Variants in GTF2IRD1 observed in about 807,000 individuals in gnomAD.
GTF2IRD1 encodes the protein general transcription factor II-I repeat domain-containing protein 1.
In GTF2IRD1, 26 loss-of-function variants were observed where a neutral mutation model predicts 113.2. The observed-to-expected ratio is 0.23, with a 90% confidence interval of 0.17 to 0.32. GTF2IRD1 has a LOEUF of 0.32. Among genes scored for constraint, GTF2IRD1 ranks in the 10% least tolerant of loss-of-function variants. The pLI is 1.00. For missense variants in GTF2IRD1, 864 were observed against 1,280.8 expected, an observed-to-expected ratio of 0.67 and a Z score of 4.97; for synonymous variants, 484 against 529.1, an observed-to-expected ratio of 0.91 and a Z score of 1.17.
chr7:74,584,710 A>AG (rs1382029274), intron 22 of GTF2IRD1, among the ~76,000 whole-genome samples: 1 of 152,172 alleles, frequency 6.6e-6, no homozygotes, highest in Non-Finnish European at 1.5e-5. Flanking sequence ...TAGGAACAAA[A>AG]GGCTATTGCG....
chr7:74,508,052 CACT>C lies in GTF2IRD1; in HGVS notation c.-6-22_-6-20del. On this transcript the variant is annotated intron_variant, in intron 1 of 26. Coordinates refer to ENST00000424337, the MANE Select transcript of GTF2IRD1 (RefSeq NM_005685.4). ...AAGCCCCCTGCCTTGTGCCCACCACCACTGCCTCCTCCCTCCCCACAGGCGACC... is the reference window on the plus strand; with the variant it reads ...AAGCCCCCTGCCTTGTGCCCACCACCGCCTCCTCCCTCCCCACAGGCGACC... 6.3e-7 allele frequency: 1 copy of C among 1,594,968 alleles called. No homozygotes were observed. Among genetic ancestry groups the C allele is most frequent in the South Asian group, 1.1e-5 (1 of 89,134 alleles).
chr7:74,594,867 G>A (rs1342670602), intron 24 of GTF2IRD1, 147 bp from the exon 25 acceptor site: 23 of 482,528 alleles, frequency 4.8e-5, no homozygotes, highest in Non-Finnish European at 8.6e-5. Context: ...CAGGAGAATG[G>A]CGTGAACCCA....
intron 3 of GTF2IRD1, among the ~76,000 whole-genome samples, chr7:74,514,226 C>T (rs1554343836): frequency 6.6e-6 from 1 of 152,106 alleles, no homozygotes; most frequent in Non-Finnish European, 1.5e-5. Context: ...CCTCACACCC[C>T]TAAGATCAGC....
intron 17 of GTF2IRD1, among the ~76,000 whole-genome samples, chr7:74,552,502 G>T (rs1554355306): frequency 6.6e-6 from 1 of 152,016 alleles, no homozygotes; most frequent in Non-Finnish European, 1.5e-5. Flanking sequence ...GGCGACAAGA[G>T]CAAAACTCTC....
At chr7:74,580,703 G>A (rs183916619) in intron 22 of GTF2IRD1, among the ~76,000 whole-genome samples, 10 of 152,226 alleles carry the variant, frequency 6.6e-5, no homozygotes, top group Admixed American at 3.3e-4. Flanking sequence ...ATGAGCAGGA[G>A]GGGGGCAGGA....
intron 1 of GTF2IRD1, among the ~76,000 whole-genome samples, chr7:74,457,121 G>A (rs1474261456): frequency 2.0e-5 from 3 of 151,896 alleles, no homozygotes; most frequent in Admixed American, 1.3e-4. Context: ...CTCACAAGTA[G>A]CTGGGACCGC....
At chr7:74,578,454 G>A (rs587610263) in intron 22 of GTF2IRD1, among the ~76,000 whole-genome samples, 3 of 152,302 alleles carry the variant, frequency 2.0e-5, no homozygotes, top group Admixed American at 6.5e-5. Flanking sequence ...GGGATTACAG[G>A]CATGAGCCAC....
intron 17 of GTF2IRD1, among the ~76,000 whole-genome samples, chr7:74,548,449 A>C (rs1450904175): frequency 6.6e-6 from 1 of 151,408 alleles, no homozygotes; most frequent in Non-Finnish European, 1.5e-5. Flanking sequence ...CCTTTGGAGA[A>C]GGTGGTGGCA....
At chr7:74,492,733 C>G (rs527331482) in intron 1 of GTF2IRD1, among the ~76,000 whole-genome samples, 1 of 151,824 alleles carries the variant, frequency 6.6e-6, no homozygotes, top group African/African-American at 2.4e-5. Context: ...GGGCCAAAAT[C>G]AAGGTGCCGA....
intron 22 of GTF2IRD1, among the ~76,000 whole-genome samples, chr7:74,586,171 T>G (rs1801704827): frequency 6.6e-6 from 1 of 152,118 alleles, no homozygotes; most frequent in Non-Finnish European, 1.5e-5. Context: ...CCACCAAAGA[T>G]TCCTCAGTGG....
chr7:74,550,103 G>A (rs56205443), intron 17 of GTF2IRD1, among the ~76,000 whole-genome samples: 3,143 of 152,022 alleles, frequency 0.021, 120 homozygotes, highest in African/African-American at 0.071. Flanking sequence ...GAGGCAAAGA[G>A]GAGAATCACT....
At chr7:74,582,877 C>T (rs1188225286) in intron 22 of GTF2IRD1, among the ~76,000 whole-genome samples, 2 of 151,870 alleles carry the variant, frequency 1.3e-5, no homozygotes, top group East Asian at 1.9e-4. Flanking sequence ...AGCAAGATCC[C>T]ATCTCTACAA....
intron 1 of GTF2IRD1, among the ~76,000 whole-genome samples, chr7:74,456,711 C>G (rs1255648349): frequency 2.0e-5 from 3 of 151,806 alleles, no homozygotes; most frequent in Non-Finnish European, 2.9e-5. Context: ...ATTCTGTAGT[C>G]TTGCCGTTTT....
At chr7:74,541,830 GGC>G (rs1798652542) in intron 14 of GTF2IRD1, among the ~76,000 whole-genome samples, 1 of 152,144 alleles carries the variant, frequency 6.6e-6, no homozygotes, top group Non-Finnish European at 1.5e-5. Context: ...GAACCCAGGA[GGC>G]AGAGGTTGCA....
chr7:74,545,695 C>T (rs587655127), intron 15 of GTF2IRD1, 49 bp from the exon 16 acceptor site: 47 of 1,441,156 alleles, frequency 3.3e-5, no homozygotes, highest in Middle Eastern at 2.4e-4. Flanking sequence ...GAACATCAGC[C>T]GAGAAGCTGC....
intron 1 of GTF2IRD1, among the ~76,000 whole-genome samples, chr7:74,490,473 C>G (rs1312376867): frequency 1.3e-5 from 2 of 152,030 alleles, no homozygotes; most frequent in East Asian, 1.9e-4. Flanking sequence ...ACTCTACCCC[C>G]ACTGGGGAGC....
chr7:74,545,767 C>A lies in GTF2IRD1; in HGVS notation c.1690C>A (p.Pro564Thr). 3.7e-6 allele frequency: 6 copies of A among 1,613,048 alleles called. No individual in the cohort carries two copies. The highest frequency in any genetic ancestry group is 5.1e-6 in the Non-Finnish European group (6 of 1,179,774). Residue 564 changes from proline to threonine, a missense_variant, in exon 16 of 27, where the codon CCC (proline) becomes ACC (threonine). By Grantham distance (38) the Pro-to-Thr change is conservative. Coordinates refer to ENST00000424337, the MANE Select transcript of GTF2IRD1 (RefSeq NM_005685.4). ...AGACAGCCACGGTGACGTGATCCGG[C>A]CCCTGCGGAAGCAGGTGGAGCTGCT... ...VEDSHGDVIR[P>T]LRKQVELLFN...
At chr7:74,528,225 CTT>C (rs1400972322) in intron 8 of GTF2IRD1, among the ~76,000 whole-genome samples, 2 of 152,150 alleles carry the variant, frequency 1.3e-5, no homozygotes, top group Admixed American at 6.6e-5. Context: ...AACCCCTACT[CTT>C]TTTCAGACAG....
chr7:74,557,577 A>G, intron 19 of GTF2IRD1, 62 bp from the exon 20 acceptor site: 1 of 1,148,848 alleles, frequency 8.7e-7, no homozygotes, highest in Non-Finnish European at 1.3e-6. Context: ...CATCTTCCTT[A>G]AAAGTCACCA....
Sources: allele counts gnomAD v4.1 joint callset (sites outside exome capture counted in the v4.1 genomes callset), GRCh38; gene constraint gnomAD v4.1.1; transcripts MANE v1.5; gene names NCBI Gene and HGNC (gene_info 2026-07-23, HGNC 2026-07-21).